Variants in SLC25A34 observed in about 807,000 individuals in gnomAD.
SLC25A34 encodes the protein solute carrier family 25, member 34.
Under a neutral mutation model 28.1 loss-of-function variants are expected in SLC25A34, and 26 were observed. The ratio of observed to expected loss-of-function variants is 0.93; its 90% CI spans 0.68 to 1.28. SLC25A34 has a LOEUF of 1.28. Among genes scored for constraint, SLC25A34 ranks in the 50% most tolerant of loss-of-function variants. SLC25A34 has a pLI of 0.00. For synonymous variants in SLC25A34, 182 were observed against 182.2 expected (o/e 1.00, Z 0.01); for missense variants, 384 against 409.8 (o/e 0.94, Z 0.54).
chr1:15,736,582 C>T lies in SLC25A34; in HGVS notation c.97C>T (p.Arg33Trp), dbSNP rs770402795. The part of the protein sequence containing the change: ...FTNPLEVVKT[R>W]LQLQGELQAR... ...CAACCCCCTGGAGGTGGTGAAGACG[C>T]GGCTGCAGCTGCAGGGGGAGCTGCA... The change falls in exon 1 of 5, where the codon CGG (arginine) becomes TGG (tryptophan). Residue 33 changes from arginine to tryptophan, a missense_variant. Physicochemically the swap from Arg to Trp is moderately radical, Grantham distance 101 (BLOSUM62 -3). Transcript: ENST00000294454. The T allele has an allele frequency of 1.4e-5, 21 of 1,521,862 alleles. No homozygotes were observed. The highest frequency in any genetic ancestry group is 2.5e-5 in the East Asian group (1 of 40,796). The allele number at this position is 1,521,862 out of a possible 1,614,324, so 94.3% of individuals were successfully genotyped here. A position where few individuals can be genotyped will look rare whatever the true frequency, so the allele number is the denominator to read the frequency against.
At position 15,739,323 on chromosome 1, in the gene SLC25A34, C is replaced by A. The variant is rs367901834; in HGVS notation, c.832C>A (p.Leu278Met). The A allele has an allele frequency of 1.4e-4, 227 of 1,610,696 alleles. 1 individual carries two copies. The South Asian group carries it at 1.4e-3, about 10-fold the overall frequency. Residue 278 changes from leucine (L) to methionine (M), a missense_variant, in exon 5 of 5, where the codon CTG becomes ATG. Physicochemically the swap from Leu to Met is conservative, Grantham distance 15. Transcript: ENST00000294454. ...GGGCCTGGGCCCCGCCTACCTGCGC[C>A]TGGGCCCCCACACCATCCTCAGCAT... ...YKGLGPAYLR[L>M]GPHTILSMLF...
rs766071542 is a variant in SLC25A34, at chr1:15,736,843, G to A, written c.358G>A (p.Val120Met). 8.2e-6 allele frequency: 13 copies of A among 1,577,770 alleles called. No homozygotes were observed. Among genetic ancestry groups the A allele is most frequent in the South Asian group, 8.1e-5 (7 of 86,716 alleles). Residue 120 changes from valine to methionine, a missense_variant, in exon 1 of 5, where the codon GTG becomes ATG. Physicochemically the swap from Val to Met is conservative, Grantham distance 21. Transcript: ENST00000294454. The stretch of plus-strand genomic sequence containing the variant: ...CGTGGCGGGGGCACTGGGAGCCTTC[G>A]TGGGGAGCCCTGCTTACCTGGTGAG... ...GAVAGALGAFVGSPAYLIKTQ... is the reference protein window; with the variant it reads ...GAVAGALGAFMGSPAYLIKTQ...
intron 1 of SLC25A34, 24 bp from the exon 2 acceptor site, chr1:15,737,905 C>G (rs1263290101): frequency 1.9e-6 from 3 of 1,613,862 alleles, no homozygotes; most frequent in Non-Finnish European, 2.5e-6. Flanking sequence ...CATCCCCACA[C>G]CCGTGTCCTC....
At chr1:15,737,879 T>C in intron 1 of SLC25A34, 50 bp from the exon 2 acceptor site, 2 of 1,607,826 alleles carry the variant, frequency 1.2e-6, no homozygotes, top group Non-Finnish European at 1.7e-6. Flanking sequence ...CAGCTCACCC[T>C]GGCTCTCCCA....
In SLC25A34 at chr1:15,738,085, C is replaced by A; in HGVS notation, c.445-8C>A. 1 of 1,610,096 alleles carries A rather than the reference C, an allele frequency of 6.2e-7. No homozygotes were observed. The highest frequency in any genetic ancestry group is 8.5e-7 in the Non-Finnish European group (1 of 1,177,680). On this transcript the variant is annotated splice_polypyrimidine_tract_variant and splice_region_variant and intron_variant, in intron 2 of 4. Transcript: ENST00000294454. ...GGTGGCCAGTGACCCCGTGCCCTCT[C>A]CCCACAGACTGTCCTGGGTGCCTTG...
At position 15,739,335 on chromosome 1, in the gene SLC25A34, A is replaced by G. The variant is rs775504600; in HGVS notation, c.844A>G (p.Thr282Ala). The G allele has an allele frequency of 8.1e-6, 13 of 1,609,748 alleles. No individual in the cohort carries two copies. Among genetic ancestry groups the G allele is most frequent in the Non-Finnish European group, 9.3e-6 (11 of 1,178,446 alleles). The change falls in exon 5 of 5, where the codon ACC becomes GCC. Residue 282 changes from threonine (T) to alanine (A), a missense_variant. Transcript: ENST00000294454. ...GPAYLRLGPH[T>A]ILSMLFWDEL... ...CGCCTACCTGCGCCTGGGCCCCCAC[A>G]CCATCCTCAGCATGCTCTTCTGGGA...
intron 4 of SLC25A34, 85 bp from the exon 5 acceptor site, chr1:15,739,139 G>A (rs2068255741): frequency 1.3e-6 from 2 of 1,505,978 alleles, no homozygotes; most frequent in South Asian, 2.5e-5. Flanking sequence ...GTGTGTGGGG[G>A]TGAAATTGAC....
chr1:15,737,703 C>T, intron 1 of SLC25A34: 1 of 567,462 alleles, frequency 1.8e-6, no homozygotes, highest in Non-Finnish European at 3.1e-6. Context: ...AGAATTGAGG[C>T]CCAGAAAAGG....
Position 15,738,528 on chromosome 1 carries a change from C to T in SLC25A34, c.598-66C>T, listed in dbSNP as rs959793800. ...TTTTAGCCCCTGTGTGGTAGGAGGC[C>T]GGGAGGGCACGACGTGGGTGGGTAG... On this transcript the variant is annotated intron_variant, in intron 3 of 4. Transcript: ENST00000294454. The T allele has an allele frequency of 2.9e-5, 45 of 1,555,690 alleles. No individual in the cohort carries two copies. In the South Asian group the frequency reaches 4.1e-4, roughly 14 times the overall value.
rs752350994 is a variant in SLC25A34, at chr1:15,736,649, CCT to C, written c.167_168del (p.Ser56CysfsTer147). 8.8e-6 allele frequency: 14 copies of C among 1,593,678 alleles called. No individual in the cohort carries two copies. The highest frequency in any genetic ancestry group is 5.3e-5 in the Admixed American group (3 of 56,270). On this transcript the variant is annotated frameshift_variant, in exon 1 of 5. Coordinates refer to ENST00000294454, the MANE Select transcript of SLC25A34 (RefSeq NM_207348.3). LOFTEE classifies it high-confidence loss of function. ...CCACGGCCCTACCATGGCTTCATAG[CCT>C]CTGTCGCTGCTGTGGCCCGAGCAGA...
At chr1:15,736,912 C>T (rs746156299) in intron 1 of SLC25A34, 49 bp downstream of exon 1, 1 of 1,459,570 alleles carries the variant, frequency 6.9e-7, no homozygotes, top group South Asian at 1.4e-5. Context: ...CATGACCCAG[C>T]TCCCACAGGG....
chr1:15,737,812 C>A, intron 1 of SLC25A34, 117 bp from the exon 2 acceptor site: 1 of 1,142,534 alleles, frequency 8.8e-7, no homozygotes, highest in Non-Finnish European at 1.3e-6. Context: ...GCTTCAGGCT[C>A]GGGACCATGG....
In SLC25A34 at chr1:15,737,962, G is replaced by A. The variant is rs146057979; in HGVS notation, c.412G>A (p.Ala138Thr). 32 of 1,613,982 alleles carry A rather than the reference G, an allele frequency of 2.0e-5. No homozygotes were observed. In the Middle Eastern group the frequency reaches 9.9e-4, roughly 50 times the overall value. Residue 138 changes from alanine to threonine, a missense_variant, in exon 2 of 5, where the codon GCA (alanine) becomes ACA (threonine). By Grantham distance (58) the Ala-to-Thr change is moderately conservative. Coordinates refer to ENST00000294454, the MANE Select transcript of SLC25A34 (RefSeq NM_207348.3). Reference sequence around the variant, plus strand: ...GCAGCTGCAAGCTCAGACAGTGGCCGCAGTGGCCGTGGGACACCAGCACAA... The same window carrying A: ...GCAGCTGCAAGCTCAGACAGTGGCCACAGTGGCCGTGGGACACCAGCACAA... ...KTQLQAQTVA[A>T]VAVGHQHNHQ...
rs925928188 is a variant in SLC25A34 at position 15,739,859 on chromosome 1, A to G, written c.*453A>G. On this transcript the variant is annotated 3_prime_UTR_variant, in exon 5 of 5. Transcript: ENST00000294454. ...ACAATTTTGAAGTGGCAGAGCCAGG[A>G]CTGGAGCTTAGCCCTGCTCACCCTA... The G allele has an allele frequency of 6.5e-6, 1 of 154,216 alleles. No homozygotes were observed. Among genetic ancestry groups the G allele is most frequent in the Non-Finnish European group, 1.4e-5 (1 of 69,470 alleles). 9.6% of individuals were successfully genotyped at this position (154,216 alleles called of 1,614,324 possible). A position where few individuals can be genotyped will look rare whatever the true frequency, so the allele number is the denominator to read the frequency against.
In SLC25A34 at chr1:15,741,063, C is replaced by G. The variant is rs2068275368; in HGVS notation, c.*1657C>G. 1.3e-5 allele frequency: 2 copies of G among 152,366 alleles called. No individual in the cohort carries two copies. Among genetic ancestry groups the G allele is most frequent in the African/African-American group, 2.4e-5 (1 of 41,476 alleles). The allele number at this position is 152,366 out of a possible 1,614,324, so 9.4% of individuals were successfully genotyped here. On this transcript the variant is annotated 3_prime_UTR_variant, in exon 5 of 5. Transcript: ENST00000294454. ...GGGCATTTGCACATATCCTGACAAG[C>G]CTGAAAGAAGCTCCGGGTGCCCATT... is the stretch of plus-strand genomic sequence containing the variant.
chr1:15,737,397 TG>T (rs775272513), intron 1 of SLC25A34, among the ~76,000 whole-genome samples: 1 of 152,138 alleles, frequency 6.6e-6, no homozygotes, highest in Non-Finnish European at 1.5e-5. Flanking sequence ...GGTGAAACCC[TG>T]TCTCTGCTAA....
Position 15,739,337 on chromosome 1 carries a change from C to A in SLC25A34, c.846C>A (p.Thr282=), listed in dbSNP as rs749372709. The A allele has an allele frequency of 2.5e-5, 40 of 1,609,624 alleles. No homozygotes were observed. The highest frequency in any genetic ancestry group is 3.3e-5 in the Non-Finnish European group (39 of 1,178,380). ...CCTACCTGCGCCTGGGCCCCCACAC[C>A]ATCCTCAGCATGCTCTTCTGGGACG... ...GPAYLRLGPH[T]ILSMLFWDEL... is the part of the protein sequence containing the mutation. Residue 282 remains threonine (T), a synonymous_variant, in exon 5 of 5, where the codon ACC becomes ACA. Coordinates refer to ENST00000294454, the MANE Select transcript of SLC25A34 (RefSeq NM_207348.3).
Position 15,736,680 on chromosome 1 carries a change from G to C in SLC25A34, c.195G>C (p.Gly65=). The C allele has an allele frequency of 6.2e-7, 1 of 1,608,806 alleles. No homozygotes were observed. Among genetic ancestry groups the C allele is most frequent in the Non-Finnish European group, 8.5e-7 (1 of 1,178,496 alleles). The change falls in exon 1 of 5, where the codon GGG becomes GGC. Residue 65 remains glycine (G), a synonymous_variant. Transcript: ENST00000294454. The part of the protein sequence containing the change: ...ASVAAVARAD[G]LWGLQKGLAA... ...TCGCTGCTGTGGCCCGAGCAGACGGGCTGTGGGGCCTGCAGAAGGGGCTGG... is the reference window on the plus strand; with the variant it reads ...TCGCTGCTGTGGCCCGAGCAGACGGCCTGTGGGGCCTGCAGAAGGGGCTGG...
Position 15,736,581 on chromosome 1 carries a change from G to A in SLC25A34, c.96G>A (p.Thr32=), listed in dbSNP as rs746733554. Residue 32 remains threonine, a synonymous_variant, in exon 1 of 5, where the codon ACG becomes ACA. Coordinates refer to ENST00000294454, the MANE Select transcript of SLC25A34 (RefSeq NM_207348.3). ...VFTNPLEVVK[T]RLQLQGELQA... ...CCAACCCCCTGGAGGTGGTGAAGAC[G>A]CGGCTGCAGCTGCAGGGGGAGCTGC... The A allele has an allele frequency of 9.4e-5, 143 of 1,519,578 alleles. No homozygotes were observed. Among genetic ancestry groups the A allele is most frequent in the Non-Finnish European group, 1.2e-4 (132 of 1,133,822 alleles). The allele number at this position is 1,519,578 out of a possible 1,614,324, so 94.1% of individuals were successfully genotyped here.
Sources: allele counts gnomAD v4.1 joint callset (sites outside exome capture counted in the v4.1 genomes callset), GRCh38; gene constraint gnomAD v4.1.1; transcripts MANE v1.5; gene names NCBI Gene and HGNC (gene_info 2026-07-23, HGNC 2026-07-21).